The following ITGA8 variants were observed in gnomAD, a reference collection of about 807,000 sequenced individuals.
ITGA8 encodes the protein integrin alpha-8.
ITGA8 carries 91 observed loss-of-function variants against 142.3 expected under a neutral mutation model. That is an observed-to-expected ratio of 0.64 (90% CI 0.54 to 0.76). The LOEUF is 0.76. Ranked by LOEUF, ITGA8 falls within the 30% of genes least tolerant of loss-of-function variation. The probability of loss-of-function intolerance (pLI) is 0.00; values close to 1 mark genes in which losing one functional copy is unlikely to be tolerated. For missense variants in ITGA8, 1,406 were observed against 1,327.7 expected, an observed-to-expected ratio of 1.06 and a Z score of -0.92; for synonymous variants, 505 against 485.2, an observed-to-expected ratio of 1.04 and a Z score of -0.54.
intron 13 of ITGA8, among the ~76,000 whole-genome samples, chr10:15,634,159 C>G (rs1051905648): frequency 6.6e-6 from 1 of 152,204 alleles, no homozygotes; most frequent in Non-Finnish European, 1.5e-5. Flanking sequence ...GAAACACTCT[C>G]TCTTTTTAAC....
intron 8 of ITGA8, among the ~76,000 whole-genome samples, chr10:15,663,076 A>G (rs972101003): frequency 2.4e-4 from 37 of 152,196 alleles, no homozygotes; most frequent in African/African-American, 8.7e-4. Context: ...CCCACCTAGC[A>G]GTGTGAGGAT....
At chr10:15,673,344 A>T (rs967158633) in intron 6 of ITGA8, among the ~76,000 whole-genome samples, 2 of 152,038 alleles carry the variant, frequency 1.3e-5, no homozygotes, top group African/African-American at 4.8e-5. Flanking sequence ...CGGCCTCCCA[A>T]AGTGCTGGGA....
At chr10:15,587,941 A>C (rs951891250) in intron 22 of ITGA8, among the ~76,000 whole-genome samples, 2 of 152,210 alleles carry the variant, frequency 1.3e-5, no homozygotes, top group Admixed American at 6.5e-5. Flanking sequence ...TCTGAATTTT[A>C]TAATCCTATT....
chr10:15,606,508 TTA>T, intron 17 of ITGA8, 86 bp from the exon 18 acceptor site: 1 of 1,300,136 alleles, frequency 7.7e-7, no homozygotes, highest in Non-Finnish European at 1.1e-6. Context: ...ACACTGGAAT[TTA>T]CTCAATGAAA....
In ITGA8 at chr10:15,606,285, C is replaced by T. The variant is rs767914983; in HGVS notation, c.1902G>A (p.Gln634=). The change falls in exon 18 of 30, where the codon CAG becomes CAA. Residue 634 remains glutamine, a splice_region_variant and synonymous_variant. Coordinates refer to ENST00000378076, the MANE Select transcript of ITGA8 (RefSeq NM_003638.3). ...CCGTCAAAGACTGTGAAGGACTTAC[C>T]TGTTCACTAACAATGTTTTCTCTGT... ...NYYRENIVSE[Q]AHILVDCGED... 2 of 1,602,970 alleles carry T rather than the reference C, an allele frequency of 1.2e-6. No homozygotes were observed. The highest frequency in any genetic ancestry group is 8.5e-7 in the Non-Finnish European group (1 of 1,171,256).
intron 25 of ITGA8, among the ~76,000 whole-genome samples, chr10:15,563,602 G>A (rs1244776724): frequency 1.3e-5 from 2 of 152,190 alleles, no homozygotes; most frequent in African/African-American, 4.8e-5. Context: ...AGCAGTAATA[G>A]TAGTGGTGGT....
intron 13 of ITGA8, among the ~76,000 whole-genome samples, chr10:15,643,631 G>A (rs191666041): frequency 3.3e-5 from 5 of 152,268 alleles, no homozygotes; most frequent in South Asian, 2.1e-4. Flanking sequence ...TGACAGACAC[G>A]TTGAGGTTCA....
chr10:15,655,553 G>A (rs1480531457), intron 10 of ITGA8, 147 bp from the exon 11 acceptor site: 2 of 643,478 alleles, frequency 3.1e-6, no homozygotes, highest in African/African-American at 3.7e-5. Context: ...GGGTCTTTTT[G>A]CCTCATTTAG....
At chr10:15,597,554 G>A (rs1833030486) in intron 20 of ITGA8, among the ~76,000 whole-genome samples, 1 of 152,176 alleles carries the variant, frequency 6.6e-6, no homozygotes, top group East Asian at 1.9e-4. Context: ...GCATAATATA[G>A]TATTTATATA....
intron 2 of ITGA8, among the ~76,000 whole-genome samples, chr10:15,710,540 G>C (rs1321302285): frequency 6.6e-6 from 1 of 152,226 alleles, no homozygotes; most frequent in African/African-American, 2.4e-5. Flanking sequence ...TGGAAGACAA[G>C]ATGTCCTGGG....
At chr10:15,612,225 G>T (rs555271215) in intron 15 of ITGA8, among the ~76,000 whole-genome samples, 3 of 152,098 alleles carry the variant, frequency 2.0e-5, no homozygotes, top group African/African-American at 7.2e-5. Flanking sequence ...CCAGCAATAG[G>T]ATGTTTTTCA....
intron 8 of ITGA8, among the ~76,000 whole-genome samples, chr10:15,669,707 C>A (rs1002761377): frequency 6.6e-6 from 1 of 152,168 alleles, no homozygotes; most frequent in African/African-American, 2.4e-5. Flanking sequence ...GATGTCCTTT[C>A]TGTTTGTTAG....
At chr10:15,623,196 A>G (rs1263136203) in intron 13 of ITGA8, among the ~76,000 whole-genome samples, 3 of 152,200 alleles carry the variant, frequency 2.0e-5, no homozygotes, top group African/African-American at 7.2e-5. Flanking sequence ...CAACAATCCT[A>G]TGAGAAAGAT....
chr10:15,600,015 A>G (rs977780193), intron 20 of ITGA8, among the ~76,000 whole-genome samples: 1 of 152,230 alleles, frequency 6.6e-6, no homozygotes, highest in African/African-American at 2.4e-5. Context: ...TAGCTGTATA[A>G]CCTTGCGCAT....
intron 2 of ITGA8, among the ~76,000 whole-genome samples, chr10:15,701,923 T>C (rs1333135176): frequency 1.3e-5 from 2 of 152,190 alleles, no homozygotes; most frequent in Admixed American, 1.3e-4. Context: ...CTAATTGGAA[T>C]GATGCATCTG....
intron 14 of ITGA8, among the ~76,000 whole-genome samples, chr10:15,615,665 C>T (rs180960490): frequency 1.3e-5 from 2 of 152,252 alleles, no homozygotes; most frequent in Non-Finnish European, 2.9e-5. Flanking sequence ...AGGCGTGTAC[C>T]ACCATGTCCG....
chr10:15,706,951 T>C (rs1288862720), intron 2 of ITGA8, among the ~76,000 whole-genome samples: 2 of 152,158 alleles, frequency 1.3e-5, no homozygotes, highest in Non-Finnish European at 2.9e-5. Context: ...CCTTTCTCCA[T>C]TTCTCAAGCA....
chr10:15,590,562 A>T (rs1464492591), intron 22 of ITGA8, among the ~76,000 whole-genome samples: 2 of 152,218 alleles, frequency 1.3e-5, no homozygotes, highest in East Asian at 3.9e-4. Context: ...ACAGACAATG[A>T]TGCAGAGGAA....
chr10:15,646,905 A>G lies in ITGA8; in HGVS notation c.1148T>C (p.Phe383Ser), dbSNP rs1259124205. ...TGCCATAGCACTACCGAATCTCCCA[A>G]ACGTCTCGGTGCCAGTGAGGATCTG... ...DPQILTGTET[F>S]GRFGSAMAHL... Residue 383 changes from phenylalanine (F) to serine (S), a missense_variant, in exon 12 of 30, where the codon TTT becomes TCT. Coordinates refer to ENST00000378076, the MANE Select transcript of ITGA8 (RefSeq NM_003638.3). 3.7e-6 allele frequency: 6 copies of G among 1,613,852 alleles called. No individual in the cohort carries two copies. The highest frequency in any genetic ancestry group is 5.1e-6 in the Non-Finnish European group (6 of 1,179,932).
Sources: gnomAD v4.1 joint callset for allele counts (sites outside exome capture counted in the v4.1 genomes callset) on GRCh38, gnomAD v4.1.1 for gene constraint, MANE v1.5 for transcripts, NCBI Gene and HGNC (gene_info 2026-07-23, HGNC 2026-07-21) for gene names.